The following GABRA5 variants were observed in gnomAD, a reference collection of about 807,000 sequenced individuals.
The protein encoded by GABRA5 is gamma-aminobutyric acid type A receptor subunit alpha5, also known as gamma-aminobutyric acid receptor subunit alpha-5.
In GABRA5, 18 loss-of-function variants were observed where a neutral mutation model predicts 47.3. The observed-to-expected ratio is 0.38, with a 90% CI of 0.26 to 0.56. GABRA5 has a LOEUF of 0.56. Among genes scored for constraint, GABRA5 ranks in the 20% least tolerant of loss-of-function variants. The pLI is 0.71. For synonymous variants in GABRA5, 237 were observed against 229.3 expected, an observed-to-expected ratio of 1.03 and a Z score of -0.30; for missense variants, 365 against 599.3, an observed-to-expected ratio of 0.61 and a Z score of 4.08.
intron 3 of GABRA5, among the ~76,000 whole-genome samples, chr15:26,870,598 C>T (rs1311517393): frequency 6.6e-6 from 1 of 152,204 alleles, no homozygotes; most frequent in Non-Finnish European, 1.5e-5. Context: ...GAGCATTGGC[C>T]GTGGCTCTTG....
At chr15:26,938,069 A>G (rs530122942) in intron 8 of GABRA5, among the ~76,000 whole-genome samples, 1 of 152,348 alleles carries the variant, frequency 6.6e-6, no homozygotes, top group East Asian at 1.9e-4. Context: ...TCTAAGCCCC[A>G]GAGGATATTT....
intron 7 of GABRA5, among the ~76,000 whole-genome samples, chr15:26,929,510 G>A (rs2140307392): frequency 6.6e-6 from 1 of 152,302 alleles, no homozygotes; most frequent in Middle Eastern, 3.4e-3. Flanking sequence ...CATGACTTTG[G>A]GGATCCCCTG....
At chr15:26,904,514 G>A (rs957122403) in intron 6 of GABRA5, among the ~76,000 whole-genome samples, 2 of 152,030 alleles carry the variant, frequency 1.3e-5, no homozygotes, top group African/African-American at 4.8e-5. Flanking sequence ...TCATTGGTAG[G>A]TTGATAGGAT....
intron 6 of GABRA5, among the ~76,000 whole-genome samples, chr15:26,899,622 A>G (rs1021783574): frequency 4.6e-5 from 7 of 152,268 alleles, no homozygotes; most frequent in South Asian, 2.1e-4. Flanking sequence ...TTTGAGTTTC[A>G]TATAGGTTTA....
chr15:26,915,693 C>T (rs1893701855), intron 7 of GABRA5, among the ~76,000 whole-genome samples: 1 of 152,178 alleles, frequency 6.6e-6, no homozygotes, highest in African/African-American at 2.4e-5. Context: ...TTCCATCTTT[C>T]TTTCTACTCT....
intron 3 of GABRA5, among the ~76,000 whole-genome samples, chr15:26,879,094 A>G (rs569268190): frequency 6.6e-6 from 1 of 152,364 alleles, no homozygotes; most frequent in African/African-American, 2.4e-5. Flanking sequence ...AGAATGGAGT[A>G]GCTTAGAAAA....
At chr15:26,871,130 G>C (rs1892461932) in intron 3 of GABRA5, among the ~76,000 whole-genome samples, 1 of 152,194 alleles carries the variant, frequency 6.6e-6, no homozygotes, top group African/African-American at 2.4e-5. Flanking sequence ...GGAGGTGGAG[G>C]TTGCTGTGAG....
At chr15:26,938,146 C>A (rs562520401) in intron 8 of GABRA5, among the ~76,000 whole-genome samples, 1 of 152,370 alleles carries the variant, frequency 6.6e-6, no homozygotes, top group East Asian at 1.9e-4. Context: ...GCCGAGCACA[C>A]AGGCCATTTA....
intron 7 of GABRA5, among the ~76,000 whole-genome samples, chr15:26,934,110 G>C (rs1894174671): frequency 6.6e-6 from 1 of 152,050 alleles, no homozygotes; most frequent in Admixed American, 6.5e-5. Context: ...AAATTATCCA[G>C]GCATGGTGGC....
chr15:26,873,696 T>C (rs1892524618), intron 3 of GABRA5, among the ~76,000 whole-genome samples: 1 of 152,220 alleles, frequency 6.6e-6, no homozygotes, highest in South Asian at 2.1e-4. Flanking sequence ...AAGTTCTCCC[T>C]TGTGAATCCC....
At chr15:26,881,305 G>A (rs754847020) in intron 4 of GABRA5, among the ~76,000 whole-genome samples, 35 of 152,094 alleles carry the variant, frequency 2.3e-4, no homozygotes, top group South Asian at 2.1e-4. Flanking sequence ...GCTTTTAGGC[G>A]TTACTAAAGC....
chr15:26,905,651 A>G (rs1893427500), intron 6 of GABRA5, among the ~76,000 whole-genome samples: 1 of 150,294 alleles, frequency 6.7e-6, no homozygotes, highest in South Asian at 2.1e-4. Flanking sequence ...AGTCTGTTAG[A>G]CTCTGTTCAT....
intron 6 of GABRA5, among the ~76,000 whole-genome samples, chr15:26,912,865 A>C (rs1320009573): frequency 1.3e-5 from 2 of 152,176 alleles, no homozygotes; most frequent in Admixed American, 6.5e-5. Flanking sequence ...TTATTCTGTG[A>C]ATATGTGTGG....
At chr15:26,868,387 TG>T (rs1239725245) in intron 1 of GABRA5, among the ~76,000 whole-genome samples, 4 of 148,660 alleles carry the variant, frequency 2.7e-5, no homozygotes, top group Non-Finnish European at 4.5e-5. Context: ...GGATGGGGGT[TG>T]GGGGGGCTTC....
intron 7 of GABRA5, among the ~76,000 whole-genome samples, chr15:26,922,927 G>A (rs746525834): frequency 2.4e-4 from 36 of 152,122 alleles, no homozygotes; most frequent in Middle Eastern, 3.2e-3. Flanking sequence ...TGCTTGGCCA[G>A]TATTACTTTA....
chr15:26,932,368 TCAA>T (rs1799761560), intron 7 of GABRA5, among the ~76,000 whole-genome samples: 1 of 152,022 alleles, frequency 6.6e-6, no homozygotes, highest in African/African-American at 2.4e-5. Flanking sequence ...GAAAAAAAGC[TCAA>T]CGTCACTGAT....
chr15:26,945,833 C>G (rs987828634), intron 10 of GABRA5, among the ~76,000 whole-genome samples: 2 of 151,422 alleles, frequency 1.3e-5, no homozygotes, highest in Admixed American at 1.3e-4. Flanking sequence ...ACCCCTGCTG[C>G]ACATTCCTTC....
intron 6 of GABRA5, among the ~76,000 whole-genome samples, chr15:26,910,973 G>T (rs1412803706): frequency 6.6e-6 from 1 of 152,102 alleles, no homozygotes; most frequent in Admixed American, 6.6e-5. Context: ...TGAATAGAAG[G>T]CTTTCTTTCA....
At chr15:26,893,490 G>A (rs1445267445) in intron 6 of GABRA5, among the ~76,000 whole-genome samples, 2 of 7,522 alleles carry the variant, frequency 2.7e-4, no homozygotes, top group Admixed American at 2.6e-3. Flanking sequence ...GCAGGGCACG[G>A]CCTGGGCCTG....
Sources: allele counts gnomAD v4.1 joint callset (sites outside exome capture counted in the v4.1 genomes callset), GRCh38; gene constraint gnomAD v4.1.1; transcripts MANE v1.5; gene names NCBI Gene and HGNC (gene_info 2026-07-23, HGNC 2026-07-21).